The following CEP126 variants were observed in gnomAD, a reference collection of about 807,000 sequenced individuals.
CEP126 encodes the protein centrosomal protein of 126 kDa.
In CEP126, 74 loss-of-function variants were observed where a neutral mutation model predicts 107.8. That is an observed-to-expected ratio of 0.69 (90% CI 0.57 to 0.83). The LOEUF (loss-of-function observed/expected upper bound fraction) is 0.83, where lower values mean the gene tolerates loss of function less well. Among genes scored for constraint, CEP126 ranks in the 40% least tolerant of loss-of-function variants. The pLI, the probability that CEP126 is intolerant of heterozygous loss-of-function variation, is 0.00. For synonymous variants in CEP126, 449 were observed against 446.0 expected, an observed-to-expected ratio of 1.01 and a Z score of -0.08; for missense variants, 1,237 against 1,281.9, an observed-to-expected ratio of 0.96 and a Z score of 0.53.
chr11:101,933,716 G>A (rs1591272067), intron 2 of CEP126, among the ~76,000 whole-genome samples: 1 of 151,768 alleles, frequency 6.6e-6, no homozygotes, highest in African/African-American at 2.4e-5. Flanking sequence ...CACCCTGATA[G>A]TATCCCTCTA....
At chr11:101,976,540 A>C (rs1405472215) in intron 6 of CEP126, among the ~76,000 whole-genome samples, 1 of 152,200 alleles carries the variant, frequency 6.6e-6, no homozygotes, top group African/African-American at 2.4e-5. Flanking sequence ...TAAGGTTCTT[A>C]TCATAAAGCG....
At chr11:101,955,548 G>T (rs559605410) in intron 4 of CEP126, among the ~76,000 whole-genome samples, 2 of 151,770 alleles carry the variant, frequency 1.3e-5, no homozygotes, top group Non-Finnish European at 1.5e-5. Flanking sequence ...TGAGTAAAAG[G>T]CTTCTGAGAA....
chr11:101,919,280 GA>G (rs966070109), intron 1 of CEP126, among the ~76,000 whole-genome samples: 4 of 151,934 alleles, frequency 2.6e-5, no homozygotes, highest in African/African-American at 7.3e-5. Context: ...TAGATTTGGG[GA>G]AAAAATGGGT....
intron 6 of CEP126, among the ~76,000 whole-genome samples, chr11:101,968,227 A>AG (rs886602683): frequency 2.0e-5 from 3 of 152,224 alleles, no homozygotes; most frequent in African/African-American, 4.8e-5. Flanking sequence ...TGAATGAAAT[A>AG]GAAGAAACCA....
intron 5 of CEP126, among the ~76,000 whole-genome samples, chr11:101,959,912 G>A (rs2137109975): frequency 6.6e-6 from 1 of 152,158 alleles, no homozygotes; most frequent in East Asian, 1.9e-4. Context: ...ACCATATAAA[G>A]CCATCAACAC....
intron 7 of CEP126, among the ~76,000 whole-genome samples, chr11:101,979,415 G>A (rs1206516061): frequency 6.6e-6 from 1 of 151,994 alleles, no homozygotes. Flanking sequence ...GGCTGTTCAA[G>A]ATAGAGGTCT....
intron 6 of CEP126, among the ~76,000 whole-genome samples, chr11:101,972,463 C>G (rs533595010): frequency 3.3e-5 from 5 of 151,206 alleles, no homozygotes; most frequent in Non-Finnish European, 7.4e-5. Context: ...TATGCTTCTT[C>G]CCAATTGCAT....
At chr11:101,945,628 G>C (rs972239721) in intron 3 of CEP126, among the ~76,000 whole-genome samples, 1 of 152,130 alleles carries the variant, frequency 6.6e-6, no homozygotes, top group Non-Finnish European at 1.5e-5. Flanking sequence ...GTCAAGAGCT[G>C]GTTTGATGAT....
intron 9 of CEP126, among the ~76,000 whole-genome samples, chr11:101,990,073 G>A (rs1040549187): frequency 6.7e-6 from 1 of 148,992 alleles, no homozygotes; most frequent in Non-Finnish European, 1.5e-5. Flanking sequence ...GCTGATATTA[G>A]AAATTGTTTA....
chr11:101,938,174 AAAT>A lies in CEP126; in HGVS notation c.249-6089_249-6087del, dbSNP rs1449933869. Among the ~76,000 whole-genome samples the A allele has an allele frequency of 4.7e-3, 678 of 144,930 alleles. 101 individuals are homozygous for A. The highest frequency in any genetic ancestry group is 0.016 in the African/African-American group (623 of 39,690). On this transcript the variant is annotated intron_variant, in intron 2 of 10. Transcript: ENST00000263468. The stretch of plus-strand genomic sequence containing the variant: ...GACTCTGTCTCAAAAAAAAAAAAAA[AAAT>A]ACAAGAAATTGGTCCATTTTACCTA...
chr11:101,968,075 A>G lies in CEP126; in HGVS notation c.2845+4195A>G, dbSNP rs867562769. On this transcript the variant is annotated intron_variant, in intron 6 of 10. Transcript: ENST00000263468. ...CAACAAGGAGGATGCAGTGTCAATG[A>G]GTATAAGCCATTCTTTTCAAGTAGT... 2.6e-5 allele frequency among the ~76,000 whole-genome samples: 4 copies of G among 152,254 alleles called. No individual in the cohort carries two copies. In the South Asian group the frequency reaches 8.3e-4, roughly 31 times the overall value.
chr11:101,922,578 A>G, intron 1 of CEP126, 63 bp from the exon 2 acceptor site: 2 of 1,279,058 alleles, frequency 1.6e-6, no homozygotes, highest in Non-Finnish European at 2.2e-6. Flanking sequence ...TATTTATCAT[A>G]TAGCACTGAC....
Position 101,962,666 on chromosome 11 carries a change from C to A in CEP126, c.1631C>A (p.Ser544Ter), listed in dbSNP as rs1940994595. The change falls in exon 6 of 11, where the codon TCA (serine) becomes TAA (stop). Residue 544 changes from serine to a stop codon, truncating the protein, a stop_gained. Coordinates refer to ENST00000263468, the MANE Select transcript of CEP126 (RefSeq NM_020802.4). LOFTEE classifies it high-confidence loss of function. ...KDEKQKLAET[S>*]SLSNVTSNYD... Reference sequence around the variant, plus strand: ...GAAAAACAAAAATTAGCTGAAACATCATCCTTGTCTAATGTAACTTCTAAT... The same window carrying A: ...GAAAAACAAAAATTAGCTGAAACATAATCCTTGTCTAATGTAACTTCTAAT... 1.2e-6 allele frequency: 2 copies of A among 1,613,034 alleles called. No individual in the cohort carries two copies. Among genetic ancestry groups the A allele is most frequent in the Non-Finnish European group, 1.7e-6 (2 of 1,179,628 alleles).
At chr11:101,971,792 C>T (rs1941131673) in intron 6 of CEP126, among the ~76,000 whole-genome samples, 1 of 152,204 alleles carries the variant, frequency 6.6e-6, no homozygotes, top group Admixed American at 6.5e-5. Flanking sequence ...CCTGTACCCA[C>T]TGCTCACTTT....
At chr11:101,970,439 G>C (rs77143918) in intron 6 of CEP126, among the ~76,000 whole-genome samples, 1 of 152,060 alleles carries the variant, frequency 6.6e-6, no homozygotes, top group Non-Finnish European at 1.5e-5. Context: ...GAGCATTTTT[G>C]GTGCTAGTAA....
chr11:101,961,501 G>A (rs1460322788), intron 5 of CEP126, among the ~76,000 whole-genome samples: 11 of 151,960 alleles, frequency 7.2e-5, no homozygotes, highest in African/African-American at 2.4e-4. Context: ...AGAATAAGCA[G>A]GTATTACTTT....
At position 101,997,779 on chromosome 11, in the gene CEP126, G is replaced by A; in HGVS notation, c.*136G>A. The A allele has an allele frequency of 8.2e-7, 1 of 1,218,176 alleles. No homozygotes were observed. Among genetic ancestry groups the A allele is most frequent in the East Asian group, 2.4e-5 (1 of 42,206 alleles). The allele number at this position is 1,218,176 out of a possible 1,614,324, so 75.5% of individuals were successfully genotyped here. A position where few individuals can be genotyped will look rare whatever the true frequency, so the allele number is the denominator to read the frequency against. ...ACATTTGTCCTAACTCAGATTTTGT[G>A]AGCAGTGAAGTTTAACAGAGCAGTG... On this transcript the variant is annotated 3_prime_UTR_variant, in exon 11 of 11. Transcript: ENST00000263468.
At chr11:101,985,066 G>C (rs1941300489) in intron 8 of CEP126, among the ~76,000 whole-genome samples, 1 of 152,110 alleles carries the variant, frequency 6.6e-6, no homozygotes, top group African/African-American at 2.4e-5. Flanking sequence ...ATAGGTGTAA[G>C]AACATTATTG....
intron 1 of CEP126, among the ~76,000 whole-genome samples, chr11:101,917,028 A>ATGTGTGTG (rs57573389): frequency 1.8e-4 from 24 of 135,966 alleles, no homozygotes; most frequent in South Asian, 5.1e-4. Flanking sequence ...AAATCCAACA[A>ATGTGTGTG]TGTGTGTGTG....
Sources: allele counts gnomAD v4.1 joint callset (sites outside exome capture counted in the v4.1 genomes callset), GRCh38; gene constraint gnomAD v4.1.1; transcripts MANE v1.5; gene names NCBI Gene and HGNC (gene_info 2026-07-23, HGNC 2026-07-21).